CTNNA3: variants seen among roughly 807,000 people sequenced by gnomAD.
CTNNA3 encodes the protein catenin alpha 3.
CTNNA3 carries 76 observed loss-of-function variants against 95.7 expected under a neutral mutation model. The ratio of observed to expected loss-of-function variants is 0.79; its 90% CI spans 0.66 to 0.96. CTNNA3 has a LOEUF of 0.96. Ranked by LOEUF, CTNNA3 falls within the 40% of genes least tolerant of loss-of-function variation. The probability of loss-of-function intolerance (pLI) is 0.00; values close to 1 mark genes in which losing one functional copy is unlikely to be tolerated. For synonymous variants in CTNNA3, 431 were observed against 374.4 expected, an observed-to-expected ratio of 1.15 and a Z score of -1.74; for missense variants, 1,191 against 1,089.8, an observed-to-expected ratio of 1.09 and a Z score of -1.31.
chr10:66,996,471 C>A (rs1055737244), intron 7 of CTNNA3, among the ~76,000 whole-genome samples: 1 of 151,754 alleles, frequency 6.6e-6, no homozygotes, highest in Admixed American at 6.6e-5. Context: ...TATGGTGAAA[C>A]CCTGTTTCTA....
chr10:67,371,958 T>C (rs1174593999), intron 5 of CTNNA3, among the ~76,000 whole-genome samples: 3 of 152,232 alleles, frequency 2.0e-5, no homozygotes, highest in Non-Finnish European at 2.9e-5. Flanking sequence ...GTGGTTTTGA[T>C]TTGCATTTGT....
rs2077014520 is a variant in CTNNA3 at position 65,916,907 on chromosome 10, T to C, written c.*3423A>G. The C allele has an allele frequency of 1.3e-5, 2 of 152,180 alleles. No homozygotes were observed. The highest frequency in any genetic ancestry group is 4.1e-4 in the South Asian group (2 of 4,834). 9.4% of individuals were successfully genotyped at this position (152,180 alleles called of 1,614,324 possible). The stretch of plus-strand genomic sequence containing the variant: ...ACTCTGTTGTTACACATTAGGCTTT[T>C]CAGCCACTCATTATTTAATTTGAGG... On this transcript the variant is annotated 3_prime_UTR_variant, in exon 18 of 18. Coordinates refer to ENST00000433211, the MANE Select transcript of CTNNA3 (RefSeq NM_013266.4).
At chr10:67,056,407 A>G (rs1855434147) in intron 7 of CTNNA3, among the ~76,000 whole-genome samples, 1 of 152,082 alleles carries the variant, frequency 6.6e-6, no homozygotes, top group South Asian at 2.1e-4. Flanking sequence ...CGTACTACCC[A>G]TTTTTGCATC....
intron 9 of CTNNA3, among the ~76,000 whole-genome samples, chr10:66,687,939 G>T (rs1847363080): frequency 6.6e-6 from 1 of 152,082 alleles, no homozygotes. Flanking sequence ...TTACTTAATT[G>T]TGTTGAAGAT....
chr10:66,485,756 C>T (rs575741406), intron 11 of CTNNA3, among the ~76,000 whole-genome samples: 41 of 152,132 alleles, frequency 2.7e-4, no homozygotes, highest in African/African-American at 8.7e-4. Flanking sequence ...AAAATTGACA[C>T]GGATCCACAA....
chr10:66,714,353 C>T (rs1848388144), intron 9 of CTNNA3, among the ~76,000 whole-genome samples: 1 of 152,116 alleles, frequency 6.6e-6, no homozygotes, highest in Non-Finnish European at 1.5e-5. Context: ...CTCTAGATTA[C>T]AGACTTGGGC....
At position 67,590,441 on chromosome 10, in the gene CTNNA3, G is replaced by A. The variant is rs76354066; in HGVS notation, c.292+16416C>T. ...TCAAGAAACATAGCCATGCATATAT[G>A]GAACTTTGGCATTTGACAAACGTGA... On this transcript the variant is annotated intron_variant, in intron 3 of 17. Transcript: ENST00000433211. Among the ~76,000 whole-genome samples the A allele has an allele frequency of 5.8e-3, 876 of 152,156 alleles. 38 individuals are homozygous for A. The East Asian group carries it at 0.099, about 17-fold the overall frequency.
chr10:66,734,110 T>C lies in CTNNA3; in HGVS notation c.1281+32154A>G, dbSNP rs192764329. The stretch of plus-strand genomic sequence containing the variant: ...ATTTTTCACTTCTGATAAATTTCCA[T>C]GGTATTTGTCTCAAAGCTCCACATA... On this transcript the variant is annotated intron_variant, in intron 9 of 17. Transcript: ENST00000433211. Among the ~76,000 whole-genome samples the C allele has an allele frequency of 9.9e-4, 151 of 151,958 alleles. 1 individual carries two copies. Among genetic ancestry groups the C allele is most frequent in the South Asian group, 4.4e-3 (21 of 4,824 alleles).
At chr10:66,884,691 T>C (rs1241723247) in intron 7 of CTNNA3, among the ~76,000 whole-genome samples, 2 of 152,138 alleles carry the variant, frequency 1.3e-5, no homozygotes, top group Non-Finnish European at 2.9e-5. Context: ...TGTGAGATAA[T>C]AAATATGTTA....
chr10:67,174,945 C>A (rs1862170052), intron 7 of CTNNA3, among the ~76,000 whole-genome samples: 1 of 151,168 alleles, frequency 6.6e-6, no homozygotes, highest in African/African-American at 2.4e-5. Flanking sequence ...TATCTCTAAC[C>A]AAATCAACCA....
At chr10:66,252,110 A>C (rs2090577468) in intron 13 of CTNNA3, among the ~76,000 whole-genome samples, 1 of 152,220 alleles carries the variant, frequency 6.6e-6, no homozygotes, top group Non-Finnish European at 1.5e-5. Flanking sequence ...AAAAGAAGGC[A>C]GTGTTGATGA....
intron 17 of CTNNA3, among the ~76,000 whole-genome samples, chr10:65,936,846 T>C (rs1397266493): frequency 2.0e-5 from 3 of 152,026 alleles, no homozygotes; most frequent in African/African-American, 7.2e-5. Flanking sequence ...ACATGACAAT[T>C]ACATAAATTA....
intron 5 of CTNNA3, among the ~76,000 whole-genome samples, chr10:67,232,449 A>C (rs1218885199): frequency 6.6e-6 from 1 of 152,210 alleles, no homozygotes; most frequent in Non-Finnish European, 1.5e-5. Flanking sequence ...TACTTTACAG[A>C]GAAGCAAATC....
rs115913531 is a variant in CTNNA3, at chr10:66,041,010, A to G, written c.2159+28298T>C. ...ATAAAAGGAAAAAGTGTAACTTTACAGGGGAGAAAGCCAGCAGACACCACC... is the reference window on the plus strand; with the variant it reads ...ATAAAAGGAAAAAGTGTAACTTTACGGGGGAGAAAGCCAGCAGACACCACC... On this transcript the variant is annotated intron_variant, in intron 15 of 17. Coordinates refer to ENST00000433211, the MANE Select transcript of CTNNA3 (RefSeq NM_013266.4). Among the ~76,000 whole-genome samples the G allele has an allele frequency of 8.2e-3, 1,254 of 152,314 alleles. 14 individuals carry two copies. Among genetic ancestry groups the G allele is most frequent in the African/African-American group, 0.029 (1,187 of 41,558 alleles).
chr10:66,389,611 C>T (rs1455760247), intron 11 of CTNNA3, among the ~76,000 whole-genome samples: 1 of 152,132 alleles, frequency 6.6e-6, no homozygotes, highest in African/African-American at 2.4e-5. Flanking sequence ...GCAAGCTTCT[C>T]TGGCTAACTC....
At chr10:67,351,113 A>C (rs1842619674) in intron 5 of CTNNA3, among the ~76,000 whole-genome samples, 1 of 34,908 alleles carries the variant, frequency 2.9e-5, no homozygotes, top group African/African-American at 4.6e-5. Flanking sequence ...GAAAGAAGTC[A>C]GACTCAAAAG....
intron 9 of CTNNA3, among the ~76,000 whole-genome samples, chr10:66,685,371 T>A (rs1419181250): frequency 3.9e-5 from 2 of 51,946 alleles, no homozygotes; most frequent in African/African-American, 8.7e-5. Flanking sequence ...TTTTTTTTTT[T>A]TTTTTTTTTT....
intron 6 of CTNNA3, among the ~76,000 whole-genome samples, chr10:67,208,155 G>A (rs143658033): frequency 6.6e-6 from 1 of 152,008 alleles, no homozygotes; most frequent in Non-Finnish European, 1.5e-5. Context: ...GGTGGATCAC[G>A]AGGTCAGGAG....
chr10:66,559,655 G>A (rs951906896), intron 10 of CTNNA3, among the ~76,000 whole-genome samples: 12 of 151,794 alleles, frequency 7.9e-5, no homozygotes, highest in Admixed American at 2.0e-4. Flanking sequence ...CGGGTATCAC[G>A]ACAGACTTTT....
Sources: gnomAD v4.1 joint callset for allele counts (sites outside exome capture counted in the v4.1 genomes callset) on GRCh38, gnomAD v4.1.1 for gene constraint, MANE v1.5 for transcripts, NCBI Gene and HGNC (gene_info 2026-07-23, HGNC 2026-07-21) for gene names.